XPNPEP2: variants seen among roughly 807,000 people sequenced by gnomAD.
The protein encoded by XPNPEP2 is X-prolyl aminopeptidase 2.
In XPNPEP2, 64 loss-of-function variants were observed where a neutral mutation model predicts 59.8. That is an observed-to-expected ratio of 1.07 (90% confidence interval 0.87 to 1.32). XPNPEP2 has a LOEUF of 1.32. Among genes scored for constraint, XPNPEP2 ranks in the 40% most tolerant of loss-of-function variants. The pLI, the probability that XPNPEP2 is intolerant of heterozygous loss-of-function variation, is 0.00. For synonymous variants in XPNPEP2, 235 were observed against 210.0 expected, an observed-to-expected ratio of 1.12 and a Z score of -1.03; for missense variants, 575 against 546.8, an observed-to-expected ratio of 1.05 and a Z score of -0.51.
rs200546838 is a variant in XPNPEP2, at chrX:129,759,184, G to A, written c.1372G>A (p.Gly458Arg). The A allele has an allele frequency of 1.4e-5, 17 of 1,209,834 alleles. No individual in the cohort carries two copies. In the East Asian group the frequency reaches 2.1e-4, roughly 15 times the overall value. Reference protein sequence around the residue: ...LLDSGGQYWDGTTDITRTVHW... With the variant: ...LLDSGGQYWDRTTDITRTVHW... ...GTTGGTTTTCCTTCTCCATAGGGAC[G>A]GGACCACAGACATCACCAGAACAGT... is the stretch of plus-strand genomic sequence containing the variant. Residue 458 changes from glycine (G) to arginine (R), a missense_variant, in exon 15 of 21, where the codon GGG becomes AGG. Transcript: ENST00000371106.
chrX:129,747,783 A>T lies in XPNPEP2; in HGVS notation c.637+30A>T, dbSNP rs200960436. On this transcript the variant is annotated intron_variant, in intron 7 of 20. Transcript: ENST00000371106. ...TTCAGTAAGCCCAGTTTCCTTCCCAACTTGTAGCAACGCAGGTCCCGGCTG... is the reference window on the plus strand; with the variant it reads ...TTCAGTAAGCCCAGTTTCCTTCCCATCTTGTAGCAACGCAGGTCCCGGCTG... The T allele has an allele frequency of 9.9e-6, 12 of 1,209,682 alleles. No homozygotes were observed. In the Middle Eastern group the frequency reaches 1.4e-3, roughly 138 times the overall value.
intron 8 of XPNPEP2, among the ~76,000 whole-genome samples, chrX:129,751,098 T>TCC (rs1205828256): frequency 1.2e-4 from 2 of 16,084 alleles, no homozygotes; most frequent in African/African-American, 3.6e-4. Flanking sequence ...AGACGCCCAC[T>TCC]CCCCCACCCC....
intron 10 of XPNPEP2, among the ~76,000 whole-genome samples, chrX:129,752,731 C>T (rs1396306685): frequency 1.1e-4 from 12 of 112,370 alleles, no homozygotes. Flanking sequence ...GCAGGAGTCG[C>T]TCAGTGGAGA....
chrX:129,744,076 GA>G lies in XPNPEP2; in HGVS notation c.234+6del, dbSNP rs1400117785. 30 of 1,201,795 alleles carry G rather than the reference GA, an allele frequency of 2.5e-5. No individual in the cohort carries two copies. The highest frequency in any genetic ancestry group is 2.4e-4 in the Middle Eastern group (1 of 4,221). On this transcript the variant is annotated splice_donor_region_variant and intron_variant, in intron 3 of 20. Transcript: ENST00000371106. ...CCAGGCACAGATGCTCACATGGTAA[GA>G]GACAGCTTCTCTCCCCCTTGCCCTC...
At chrX:129,762,848 G>A in intron 19 of XPNPEP2, 78 bp downstream of exon 19, 2 of 924,989 alleles carry the variant, frequency 2.2e-6, no homozygotes, top group Non-Finnish European at 3.1e-6. Context: ...AAAGTGGGGA[G>A]GAAGATCAAA....
At chrX:129,751,850 G>C (rs1259493890) in intron 9 of XPNPEP2, 24 bp downstream of exon 9, 1 of 1,183,866 alleles carries the variant, frequency 8.4e-7, no homozygotes, top group Non-Finnish European at 1.1e-6. Flanking sequence ...TTAGCTTGCT[G>C]TTGTGGACTT....
intron 19 of XPNPEP2, among the ~76,000 whole-genome samples, chrX:129,764,565 G>T (rs1226981296): frequency 9.2e-6 from 1 of 108,621 alleles, no homozygotes; most frequent in Non-Finnish European, 1.9e-5. Flanking sequence ...TGAGGCAGGA[G>T]AATCACTTGA....
chrX:129,768,616 C>T lies in XPNPEP2; in HGVS notation c.*131C>T, dbSNP rs746705072. 3 of 586,677 alleles carry T rather than the reference C, an allele frequency of 5.1e-6. No homozygotes were observed. In the South Asian group the frequency reaches 1.7e-4, roughly 34 times the overall value. The allele number at this position is 586,677 out of a possible 1,213,427, so 48.3% of individuals were successfully genotyped here. ...GCCTAGAAACCTTTGCATTCATCCT[C>T]CTTCTCCAAGACCTATGGAGAAGGT... is the stretch of plus-strand genomic sequence containing the variant. On this transcript the variant is annotated 3_prime_UTR_variant, in exon 21 of 21. Coordinates refer to ENST00000371106, the MANE Select transcript of XPNPEP2 (RefSeq NM_003399.6).
chrX:129,745,142 G>T, intron 3 of XPNPEP2, 61 bp from the exon 4 acceptor site: 3 of 1,169,147 alleles, frequency 2.6e-6, no homozygotes, highest in Non-Finnish European at 3.5e-6. Context: ...GTGGTTGGGG[G>T]CCTTTCATGT....
intron 15 of XPNPEP2, 138 bp downstream of exon 15, chrX:129,759,378 C>T (rs752700129): frequency 8.0e-5 from 61 of 759,005 alleles, no homozygotes; most frequent in Middle Eastern, 3.1e-4. Flanking sequence ...CCACTGGTGC[C>T]GGAAAACCCA....
intron 1 of XPNPEP2, among the ~76,000 whole-genome samples, chrX:129,741,355 C>T (rs921259670): frequency 8.9e-6 from 1 of 112,184 alleles, no homozygotes; most frequent in African/African-American, 3.2e-5. Flanking sequence ...GGGTTCAAAT[C>T]CCTGTTCTAC....
intron 5 of XPNPEP2, 101 bp from the exon 6 acceptor site, chrX:129,746,494 G>C: frequency 3.1e-6 from 3 of 977,267 alleles, no homozygotes; most frequent in East Asian, 3.1e-5. Context: ...CTGATCTCAA[G>C]GAAGACACAC....
intron 2 of XPNPEP2, 80 bp downstream of exon 2, chrX:129,742,261 G>A (rs893462192): frequency 2.3e-5 from 11 of 469,022 alleles, no homozygotes; most frequent in South Asian, 7.4e-5. Flanking sequence ...CCCCTGCACC[G>A]CAGCACCCCC....
Position 129,739,265 on chromosome X carries a change from A to ATG in XPNPEP2, c.49+6_49+7dup. 1 of 1,208,425 alleles carries ATG rather than the reference A, an allele frequency of 8.3e-7. No individual in the cohort carries two copies. Among genetic ancestry groups the ATG allele is most frequent in the Non-Finnish European group, 1.1e-6 (1 of 894,817 alleles). On this transcript the variant is annotated splice_donor_region_variant and intron_variant, in intron 1 of 20. Coordinates refer to ENST00000371106, the MANE Select transcript of XPNPEP2 (RefSeq NM_003399.6). ...CCCCTGGCTGGTCCTCCTCTGTGGT[A>ATG]TGTGCATCCTAGCTTCCACTGGAAG...
chrX:129,741,174 G>T (rs184773969), intron 1 of XPNPEP2, among the ~76,000 whole-genome samples: 2 of 89,796 alleles, frequency 2.2e-5, no homozygotes, highest in East Asian at 3.7e-4. Flanking sequence ...ATGAATATTG[G>T]GGGGGGGTCA....
intron 20 of XPNPEP2, among the ~76,000 whole-genome samples, chrX:129,767,984 C>A (rs1224961548): frequency 8.9e-6 from 1 of 111,920 alleles, no homozygotes; most frequent in African/African-American, 3.3e-5. Flanking sequence ...CCCTTCTATT[C>A]TTTTGCCTCA....
At chrX:129,742,362 C>G (rs771567879) in intron 2 of XPNPEP2, among the ~76,000 whole-genome samples, 181 bp downstream of exon 2, 18 of 105,681 alleles carry the variant, frequency 1.7e-4, no homozygotes, top group East Asian at 6.1e-4. Context: ...GACTCTTGGG[C>G]CCCTCCCCCC....
rs1382753114 is a variant in XPNPEP2 at position 129,740,151 on chromosome X, T to C, written c.49+889T>C. 2.7e-5 allele frequency among the ~76,000 whole-genome samples: 3 copies of C among 113,178 alleles called. No homozygotes were observed. In the Admixed American group the frequency reaches 2.8e-4, roughly 10 times the overall value. ...TAAGTTGGCTGTGTCCTCATTCTTA[T>C]GTTAGCATATCAGTGCCAACATTTT... On this transcript the variant is annotated intron_variant, in intron 1 of 20. Transcript: ENST00000371106.
chrX:129,744,262 C>T (rs1481428723), intron 3 of XPNPEP2, among the ~76,000 whole-genome samples, 191 bp downstream of exon 3: 1 of 112,231 alleles, frequency 8.9e-6, no homozygotes, highest in Non-Finnish European at 1.9e-5. Context: ...GGCGGGCAGA[C>T]ATTGCCAAAC....
Sources: gnomAD v4.1 joint callset for allele counts (sites outside exome capture counted in the v4.1 genomes callset) on GRCh38, gnomAD v4.1.1 for gene constraint, MANE v1.5 for transcripts, NCBI Gene and HGNC (gene_info 2026-07-23, HGNC 2026-07-21) for gene names.